COL5A1: variants seen among roughly 807,000 people sequenced by gnomAD.
COL5A1 encodes the protein collagen type V alpha 1 chain.
COL5A1 carries 16 observed loss-of-function variants against 263.7 expected under a neutral mutation model. That is an observed-to-expected ratio of 0.06 (90% CI 0.04 to 0.09). COL5A1 has a LOEUF of 0.09. COL5A1 is among the 10% of genes least tolerant of loss of function. COL5A1 has a pLI of 1.00. For synonymous variants in COL5A1, 1,012 were observed against 1,004.5 expected (o/e 1.01, Z -0.14); for missense variants, 2,036 against 2,540.5 (o/e 0.80, Z 4.27).
chr9:134,756,109 C>A (rs964973830), intron 16 of COL5A1, among the ~76,000 whole-genome samples: 1 of 152,140 alleles, frequency 6.6e-6, no homozygotes, highest in African/African-American at 2.4e-5. Context: ...GAAGGTGGGG[C>A]CTGCACAGTG....
intron 18 of COL5A1, among the ~76,000 whole-genome samples, chr9:134,760,003 CTCAT>C (rs1260675437): frequency 8.2e-6 from 1 of 121,688 alleles, no homozygotes; most frequent in African/African-American, 3.5e-5. Context: ...ACACCCCACA[CTCAT>C]ACACACATGC....
At position 134,647,032 on chromosome 9, in the gene COL5A1, C is replaced by T. The variant is rs543834283; in HGVS notation, c.109+4736C>T. Reference sequence around the variant, plus strand: ...CTTTGCAGGCTGCCTGACCTGTACTCGGCACTGGCTGTGTGGGGACGTTAC... The same window carrying T: ...CTTTGCAGGCTGCCTGACCTGTACTTGGCACTGGCTGTGTGGGGACGTTAC... On this transcript the variant is annotated intron_variant, in intron 1 of 65. Coordinates refer to ENST00000371817, the MANE Select transcript of COL5A1 (RefSeq NM_000093.5). The surrounding 1 kb of genome is among the most constrained non-coding windows in gnomAD (Gnocchi z 5.0). 4.6e-5 allele frequency among the ~76,000 whole-genome samples: 7 copies of T among 152,296 alleles called. No homozygotes were observed. Among genetic ancestry groups the T allele is most frequent in the East Asian group, 1.9e-4 (1 of 5,184 alleles).
In COL5A1 at chr9:134,836,899, C is replaced by T. The variant is rs117338595; in HGVS notation, c.5370+1695C>T. Among the ~76,000 whole-genome samples the T allele has an allele frequency of 2.0e-3, 302 of 152,366 alleles. 3 individuals are homozygous for T. Among genetic ancestry groups the T allele is most frequent in the South Asian group, 0.015 (71 of 4,830 alleles). On this transcript the variant is annotated intron_variant, in intron 65 of 65. Transcript: ENST00000371817. The stretch of plus-strand genomic sequence containing the variant: ...CTGCGATTGGTTGGGGTCAGTACTT[C>T]GGATCTGACTGTGGAATATGCAGAA...
chr9:134,668,905 A>G (rs549833526), intron 1 of COL5A1, among the ~76,000 whole-genome samples: 1 of 150,076 alleles, frequency 6.7e-6, no homozygotes, highest in East Asian at 2.0e-4. Context: ...CCATCAATCC[A>G]TCCATCCATC....
At chr9:134,699,827 C>A in intron 2 of COL5A1, 82 bp from the exon 3 acceptor site, 1 of 1,371,764 alleles carries the variant, frequency 7.3e-7, no homozygotes, top group Non-Finnish European at 1.0e-6. Context: ...GGGTCCCGGG[C>A]TGGCTTGTTT....
At chr9:134,829,426 T>G (rs1357248318) in intron 63 of COL5A1, among the ~76,000 whole-genome samples, 1 of 105,468 alleles carries the variant, frequency 9.5e-6, no homozygotes, top group Admixed American at 9.7e-5. Flanking sequence ...CCGGTCTCCC[T>G]GAGGGCTGGG....
chr9:134,786,182 T>A, intron 31 of COL5A1, 134 bp downstream of exon 31: 1 of 859,362 alleles, frequency 1.2e-6, no homozygotes, highest in South Asian at 1.5e-5. Context: ...TCTGGCCATG[T>A]TACGTGTCCT....
chr9:134,828,614 C>CACAT (rs1839407433), intron 63 of COL5A1, among the ~76,000 whole-genome samples: 1 of 2,346 alleles, frequency 4.3e-4, no homozygotes, highest in Admixed American at 4.6e-3. Flanking sequence ...ACACACCATA[C>CACAT]ACCACACACA....
In COL5A1 at chr9:134,789,090, C is replaced by A. The variant is rs1033812769; in HGVS notation, c.2647-65C>A. 4.9e-6 allele frequency: 7 copies of A among 1,435,480 alleles called. No homozygotes were observed. Among genetic ancestry groups the A allele is most frequent in the Non-Finnish European group, 6.8e-6 (7 of 1,022,298 alleles). 88.9% of individuals were successfully genotyped at this position (1,435,480 alleles called of 1,614,324 possible). A position where few individuals can be genotyped will look rare whatever the true frequency, so the allele number is the denominator to read the frequency against. Reference sequence around the variant, plus strand: ...ACTGGCATGCAGGTGGTCCCCCAGGCGGCCCATGCAGCATGACTCATTCCT... The same window carrying A: ...ACTGGCATGCAGGTGGTCCCCCAGGAGGCCCATGCAGCATGACTCATTCCT... On this transcript the variant is annotated intron_variant, in intron 31 of 65. Coordinates refer to ENST00000371817, the MANE Select transcript of COL5A1 (RefSeq NM_000093.5). This position sits in a 1 kb window ranked among gnomAD's most constrained non-coding sequence, Gnocchi z 4.8.
At position 134,782,726 on chromosome 9, in the gene COL5A1, C is replaced by A; in HGVS notation, c.2484+6C>A. ...TGGGCATCAAGGGTGATCGGGTGAG[C>A]ATCTCAGGTTTGGGATTTGGGCTGG... On this transcript the variant is annotated splice_donor_region_variant and intron_variant, in intron 29 of 65. Coordinates refer to ENST00000371817, the MANE Select transcript of COL5A1 (RefSeq NM_000093.5). 6.2e-7 allele frequency: 1 copy of A among 1,600,362 alleles called. No homozygotes were observed. Among genetic ancestry groups the A allele is most frequent in the Non-Finnish European group, 8.5e-7 (1 of 1,170,710 alleles).
At chr9:134,756,073 G>A (rs1469262047) in intron 16 of COL5A1, among the ~76,000 whole-genome samples, 1 of 152,102 alleles carries the variant, frequency 6.6e-6, no homozygotes, top group Non-Finnish European at 1.5e-5. Context: ...TAGAGACCCT[G>A]TTCCCTTGCA....
intron 57 of COL5A1, among the ~76,000 whole-genome samples, 199 bp from the exon 58 acceptor site, chr9:134,819,917 T>A (rs972225402): frequency 6.6e-6 from 1 of 152,232 alleles, no homozygotes; most frequent in African/African-American, 2.4e-5. Flanking sequence ...TAGACGTGAC[T>A]GTGGCCAGCG....
intron 11 of COL5A1, among the ~76,000 whole-genome samples, chr9:134,743,998 G>A (rs190631400): frequency 2.0e-5 from 3 of 152,284 alleles, no homozygotes; most frequent in Admixed American, 1.3e-4. Context: ...ATGGCCTGCT[G>A]GTGCTACACC....
rs34456636 is a variant in COL5A1 at position 134,769,842 on chromosome 9, G to A, written c.2286+1379G>A. The stretch of plus-strand genomic sequence containing the variant: ...CTTTCCTTCTGCGGGGAGGAAGGGG[G>A]CCTGGGTGTGAAGGGGGCTGCACCC... On this transcript the variant is annotated intron_variant, in intron 25 of 65. Coordinates refer to ENST00000371817, the MANE Select transcript of COL5A1 (RefSeq NM_000093.5). Among the ~76,000 whole-genome samples the A allele has an allele frequency of 2.6e-5, 4 of 152,180 alleles. No homozygotes were observed. The East Asian group carries it at 7.7e-4, about 29-fold the overall frequency.
chr9:134,839,235 T>C (rs1244574920), intron 65 of COL5A1, among the ~76,000 whole-genome samples: 1 of 152,204 alleles, frequency 6.6e-6, no homozygotes, highest in African/African-American at 2.4e-5. Flanking sequence ...CCCCGCCGCA[T>C]AAATCCTGGT....
intron 19 of COL5A1, among the ~76,000 whole-genome samples, chr9:134,762,813 G>T (rs1182978066): frequency 6.6e-6 from 1 of 151,636 alleles, no homozygotes; most frequent in Non-Finnish European, 1.5e-5. Flanking sequence ...TCTGCTGTAA[G>T]ATGAGGAAGG....
At chr9:134,828,817 A>G (rs1839433551) in intron 63 of COL5A1, among the ~76,000 whole-genome samples, 1 of 150,184 alleles carries the variant, frequency 6.7e-6, no homozygotes, top group Admixed American at 6.6e-5. Flanking sequence ...GATACCACAC[A>G]CACACACCAC....
chr9:134,674,495 C>G (rs1248421022), intron 1 of COL5A1, among the ~76,000 whole-genome samples: 2 of 151,454 alleles, frequency 1.3e-5, no homozygotes, highest in Non-Finnish European at 2.9e-5. Flanking sequence ...GGGTGATGGA[C>G]ATGTTGTGTA....
At chr9:134,807,085 AC>A (rs1457237744) in intron 42 of COL5A1, among the ~76,000 whole-genome samples, 2 of 152,116 alleles carry the variant, frequency 1.3e-5, no homozygotes, top group East Asian at 3.9e-4. Flanking sequence ...GAAGTGGTCC[AC>A]CCTGACCCGT....
Sources: allele counts gnomAD v4.1 joint callset (sites outside exome capture counted in the v4.1 genomes callset), GRCh38; gene constraint gnomAD v4.1.1; non-coding constraint Gnocchi (gnomAD v3.1); transcripts MANE v1.5; gene names NCBI Gene and HGNC (gene_info 2026-07-23, HGNC 2026-07-21).